DGKD: variants seen among roughly 807,000 people sequenced by gnomAD.
The protein encoded by DGKD is DAG kinase delta.
A neutral mutation model predicts 154.4 loss-of-function variants in DGKD; 68 were observed. The ratio of observed to expected loss-of-function variants is 0.44; its 90% CI spans 0.36 to 0.54. DGKD has a LOEUF of 0.54. Ranked by LOEUF, DGKD falls within the 20% of genes least tolerant of loss-of-function variation. DGKD has a pLI of 0.00. For synonymous variants in DGKD, 693 were observed against 638.0 expected (o/e 1.09, Z -1.30); for missense variants, 1,343 against 1,593.6 (o/e 0.84, Z 2.68).
intron 1 of DGKD, among the ~76,000 whole-genome samples, chr2:233,375,217 G>A (rs1702509473): frequency 6.6e-6 from 1 of 152,186 alleles, no homozygotes; most frequent in Admixed American, 6.5e-5. Context: ...TTTGAACCTG[G>A]GAGGTGGAGG....
chr2:233,432,428 G>A (rs962882753), intron 3 of DGKD, among the ~76,000 whole-genome samples: 3 of 150,874 alleles, frequency 2.0e-5, no homozygotes, highest in African/African-American at 7.3e-5. Flanking sequence ...GGAAGGCCAA[G>A]GTGGGCAGAT....
At position 233,435,805 on chromosome 2, in the gene DGKD, C is replaced by G. The variant is rs747976975; in HGVS notation, c.587-13C>G. On this transcript the variant is annotated splice_polypyrimidine_tract_variant and intron_variant, in intron 5 of 29. Coordinates refer to ENST00000264057, the MANE Select transcript of DGKD (RefSeq NM_152879.3). Reference sequence around the variant, plus strand: ...GACACAGCTTGTAGGCTCATGTGCCCCTTCTCTCACAGTGTGCAAATTTAA... The same window carrying G: ...GACACAGCTTGTAGGCTCATGTGCCGCTTCTCTCACAGTGTGCAAATTTAA... 1.2e-6 allele frequency: 2 copies of G among 1,609,044 alleles called. No homozygotes were observed. Among genetic ancestry groups the G allele is most frequent in the South Asian group, 2.2e-5 (2 of 90,436 alleles).
At chr2:233,410,694 A>T (rs1206803699) in intron 3 of DGKD, among the ~76,000 whole-genome samples, 2 of 152,236 alleles carry the variant, frequency 1.3e-5, no homozygotes, top group Non-Finnish European at 2.9e-5. Context: ...AATACATGAA[A>T]ACCATTTTTT....
At chr2:233,400,845 G>C (rs1286135594) in intron 3 of DGKD, among the ~76,000 whole-genome samples, 1 of 152,194 alleles carries the variant, frequency 6.6e-6, no homozygotes, top group East Asian at 1.9e-4. Flanking sequence ...TGTTGCAGCT[G>C]AGTGTGTGTG....
intron 10 of DGKD, 76 bp downstream of exon 10, chr2:233,442,071 C>G (rs1303576379): frequency 7.8e-7 from 1 of 1,274,620 alleles, no homozygotes; most frequent in Admixed American, 1.7e-5. Flanking sequence ...AGTCTCAGCT[C>G]CTGTTCATCT....
chr2:233,466,053 C>T (rs1017510613), intron 27 of DGKD, among the ~76,000 whole-genome samples: 1 of 152,004 alleles, frequency 6.6e-6, no homozygotes, highest in Admixed American at 6.6e-5. Flanking sequence ...CGAAACTGTG[C>T]CAAATAATAA....
intron 1 of DGKD, among the ~76,000 whole-genome samples, chr2:233,373,924 A>C (rs984304262): frequency 6.6e-6 from 1 of 152,246 alleles, no homozygotes; most frequent in African/African-American, 2.4e-5. Flanking sequence ...ACACAAAGTA[A>C]AAGCAGATCT....
intron 2 of DGKD, among the ~76,000 whole-genome samples, chr2:233,389,143 G>T (rs1372956831): frequency 6.6e-6 from 1 of 152,234 alleles, no homozygotes; most frequent in Non-Finnish European, 1.5e-5. Flanking sequence ...GGGATTACAG[G>T]CATGAGCCAC....
Position 233,458,503 on chromosome 2 carries a change from T to C in DGKD, c.2694+106T>C, listed in dbSNP as rs2063527989. 2 of 786,058 alleles carry C rather than the reference T, an allele frequency of 2.5e-6. No individual in the cohort carries two copies. The highest frequency in any genetic ancestry group is 3.6e-4 in the Middle Eastern group (1 of 2,766). The allele number at this position is 786,058 out of a possible 1,614,324, so 48.7% of individuals were successfully genotyped here. On this transcript the variant is annotated intron_variant, in intron 22 of 29. Transcript: ENST00000264057. This position sits in a 1 kb window ranked among gnomAD's most constrained non-coding sequence, Gnocchi z 6.6. ...GGAGGGTGGGCGCTTTCCAGGGCCATGTGGCTGCCTCATGTCCTGTCCTGG... is the reference window on the plus strand; with the variant it reads ...GGAGGGTGGGCGCTTTCCAGGGCCACGTGGCTGCCTCATGTCCTGTCCTGG...
chr2:233,445,881 G>T lies in DGKD; in HGVS notation c.1334+119G>T, dbSNP rs2124829652. ...TGGGCCCTCTGAAATTATTTGTAAA[G>T]ATTTGACCTGAGTATATATTCGGAT... On this transcript the variant is annotated intron_variant, in intron 11 of 29. Transcript: ENST00000264057. This position sits in a 1 kb window ranked among gnomAD's most constrained non-coding sequence, Gnocchi z 5.5. The T allele has an allele frequency of 2.4e-6, 3 of 1,265,952 alleles. No individual in the cohort carries two copies. Among genetic ancestry groups the T allele is most frequent in the East Asian group, 2.7e-5 (1 of 37,084 alleles). The allele number at this position is 1,265,952 out of a possible 1,614,324, so 78.4% of individuals were successfully genotyped here. A position where few individuals can be genotyped will look rare whatever the true frequency, so the allele number is the denominator to read the frequency against.
rs546880317 is a variant in DGKD, at chr2:233,451,910, C to T, written c.2168-54C>T. ...ACCAGCTTCAGAGACACGAGCTTCT[C>T]CTAAGGCTGTAGCTCCTGACCAGCA... On this transcript the variant is annotated intron_variant, in intron 17 of 29. Coordinates refer to ENST00000264057, the MANE Select transcript of DGKD (RefSeq NM_152879.3). 3.3e-4 allele frequency: 494 copies of T among 1,474,984 alleles called. 10 individuals carry two copies. In the South Asian group the frequency reaches 5.4e-3, roughly 16 times the overall value. 91.4% of individuals were successfully genotyped at this position (1,474,984 alleles called of 1,614,324 possible). A position where few individuals can be genotyped will look rare whatever the true frequency, so the allele number is the denominator to read the frequency against.
rs1161259562 is a variant in DGKD, at chr2:233,434,788, A to G, written c.473A>G (p.Asp158Gly). The change falls in exon 5 of 30, where the codon GAC becomes GGC. Residue 158 changes from aspartate (D) to glycine (G), a missense_variant. Coordinates refer to ENST00000264057, the MANE Select transcript of DGKD (RefSeq NM_152879.3). ...TTCCAGCCCACCCAGTACAGCATGG[A>G]CCACTTCTCAGGGATGCACAATTGG... ...EHFEPTQYSMDHFSGMHNWYA... is the reference protein window; with the variant it reads ...EHFEPTQYSMGHFSGMHNWYA... The G allele has an allele frequency of 1.2e-6, 2 of 1,613,984 alleles. No homozygotes were observed. Among genetic ancestry groups the G allele is most frequent in the African/African-American group, 1.3e-5 (1 of 74,910 alleles).
chr2:233,396,649 T>G (rs1704054277), intron 3 of DGKD, among the ~76,000 whole-genome samples: 1 of 152,132 alleles, frequency 6.6e-6, no homozygotes, highest in African/African-American at 2.4e-5. Flanking sequence ...TGAGGTCTCA[T>G]AGCTGAGACA....
chr2:233,465,071 T>C lies in DGKD; in HGVS notation c.3306+788T>C, dbSNP rs147089071. Among the ~76,000 whole-genome samples, 1,016 of 152,320 alleles carry C rather than the reference T, an allele frequency of 6.7e-3. 7 individuals are homozygous for C. The highest frequency in any genetic ancestry group is 0.023 in the African/African-American group (962 of 41,566). ...CCCTCTTTCCGGGGCCCTGGGGCGT[T>C]TTTTGACGCATGCAATCCTTTCATG... On this transcript the variant is annotated intron_variant, in intron 27 of 29. Transcript: ENST00000264057.
chr2:233,400,711 C>G (rs564360379), intron 3 of DGKD, among the ~76,000 whole-genome samples: 4 of 152,234 alleles, frequency 2.6e-5, no homozygotes, highest in African/African-American at 9.6e-5. Context: ...CCCTGGTCAC[C>G]TCTCATGGGC....
rs758213620 is a variant in DGKD, at chr2:233,450,955, A to G, written c.2072A>G (p.Lys691Arg). ...SKSPCEKLISKGSLSLGSSAS... is the reference protein window; with the variant it reads ...SKSPCEKLISRGSLSLGSSAS... ...TCTCCGTGTGAAAAGCTGATCAGCA[A>G]AGGGAGTCTGTCCCTAGGCAGTTCT... The change falls in exon 17 of 30, where the codon AAA becomes AGA. Residue 691 changes from lysine to arginine, a missense_variant. Coordinates refer to ENST00000264057, the MANE Select transcript of DGKD (RefSeq NM_152879.3). The G allele has an allele frequency of 3.7e-6, 6 of 1,610,758 alleles. No individual in the cohort carries two copies. The South Asian group carries it at 4.4e-5, about 12-fold the overall frequency.
At position 233,419,416 on chromosome 2, in the gene DGKD, C is replaced by A. The variant is rs897633661; in HGVS notation, c.349-14964C>A. 5.2e-5 allele frequency: 51 copies of A among 985,450 alleles called. 1 individual carries two copies. The African/African-American group carries it at 8.0e-4, about 16-fold the overall frequency. 61.0% of individuals were successfully genotyped at this position (985,450 alleles called of 1,614,324 possible). Reference sequence around the variant, plus strand: ...TGGAAACTGTTCTGAGCAGGAAGGGCAGCAGGTAAGAGCCCCAGGGGACAG... The same window carrying A: ...TGGAAACTGTTCTGAGCAGGAAGGGAAGCAGGTAAGAGCCCCAGGGGACAG... On this transcript the variant is annotated intron_variant, in intron 3 of 29. Coordinates refer to ENST00000264057, the MANE Select transcript of DGKD (RefSeq NM_152879.3).
chr2:233,370,161 A>G (rs897809076), intron 1 of DGKD, among the ~76,000 whole-genome samples: 3 of 151,794 alleles, frequency 2.0e-5, no homozygotes, highest in Admixed American at 6.6e-5. Context: ...GCTGCTGACA[A>G]CCACTAATCT....
chr2:233,419,430 C>G, intron 3 of DGKD: 2 of 985,588 alleles, frequency 2.0e-6, no homozygotes, highest in Non-Finnish European at 2.4e-6. Flanking sequence ...AGGTAAGAGC[C>G]CCAGGGGACA....
Sources: allele counts gnomAD v4.1 joint callset (sites outside exome capture counted in the v4.1 genomes callset), GRCh38; gene constraint gnomAD v4.1.1; non-coding constraint Gnocchi (gnomAD v3.1); transcripts MANE v1.5; gene names NCBI Gene and HGNC (gene_info 2026-07-23, HGNC 2026-07-21).